The following PTPRE variants were observed in gnomAD, a reference collection of about 807,000 sequenced individuals.
The protein encoded by PTPRE is protein tyrosine phosphatase receptor type E.
PTPRE carries 51 observed loss-of-function variants against 102.0 expected under a neutral mutation model. The ratio of observed to expected loss-of-function variants is 0.50; its 90% CI spans 0.40 to 0.63. The LOEUF is 0.63. Ranked by LOEUF, PTPRE falls within the 30% of genes least tolerant of loss-of-function variation. PTPRE has a pLI of 0.00. For missense variants in PTPRE, 752 were observed against 915.1 expected (o/e 0.82, Z 2.30); for synonymous variants, 345 against 348.2 (o/e 0.99, Z 0.10).
At position 128,066,103 on chromosome 10, in the gene PTPRE, A is replaced by G. The variant is rs1306690528; in HGVS notation, c.752A>G (p.Gln251Arg). Residue 251 changes from glutamine to arginine, a missense_variant, in exon 11 of 21, where the codon CAA (glutamine) becomes CGA (arginine). Gln to Arg is a conservative substitution (Grantham distance 43, BLOSUM62 1). This residue lies in a region of PTPRE where 636 missense variants were observed against 824.4 expected (regional missense o/e 0.77). Coordinates refer to ENST00000254667, the MANE Select transcript of PTPRE (RefSeq NM_006504.6). The part of the protein sequence containing the change: ...EEKCHQYWPD[Q>R]GCWTYGNIRV... The stretch of plus-strand genomic sequence containing the variant: ...AAGTGCCATCAGTACTGGCCCGACC[A>G]AGGCTGCTGGACCTATGGAAACATC... 2 of 1,614,102 alleles carry G rather than the reference A, an allele frequency of 1.2e-6. No individual in the cohort carries two copies.
At chr10:127,958,068 T>C (rs1173152966) in intron 1 of PTPRE, among the ~76,000 whole-genome samples, 1 of 152,232 alleles carries the variant, frequency 6.6e-6, no homozygotes, top group African/African-American at 2.4e-5. Flanking sequence ...AGTTACCTAT[T>C]AGTTCCAGGA....
intron 2 of PTPRE, chr10:127,998,248 T>G (rs1290020684): frequency 2.0e-5 from 3 of 152,152 alleles, no homozygotes; most frequent in Non-Finnish European, 4.4e-5. Flanking sequence ...AGAAAATAAA[T>G]GGATTTGCAG....
chr10:128,062,433 T>A (rs1849688237), intron 9 of PTPRE, among the ~76,000 whole-genome samples: 1 of 152,238 alleles, frequency 6.6e-6, no homozygotes. Context: ...CTGAAGCAGA[T>A]GAAAGCATGT....
intron 1 of PTPRE, among the ~76,000 whole-genome samples, chr10:127,972,658 A>G: frequency 6.6e-6 from 1 of 152,156 alleles, no homozygotes; most frequent in South Asian, 2.1e-4. Flanking sequence ...AGTATCGGTG[A>G]CCTCATGTGT....
chr10:128,023,413 C>T (rs964247230), intron 2 of PTPRE, among the ~76,000 whole-genome samples: 25 of 151,594 alleles, frequency 1.6e-4, no homozygotes, highest in Non-Finnish European at 2.8e-4. Context: ...GTATAGAAAA[C>T]GGCATAGTAA....
rs146812208 is a variant in PTPRE, at chr10:127,928,910, A to G, written c.-31+21601A>G. On this transcript the variant is annotated intron_variant, in intron 1 of 20. Transcript: ENST00000254667. The stretch of plus-strand genomic sequence containing the variant: ...TCAGTTGCCTTTCACACAGGAAAAC[A>G]AAGATTAGCTGTGTAGCTACGGAAA... Among the ~76,000 whole-genome samples, 3 of 152,356 alleles carry G rather than the reference A, an allele frequency of 2.0e-5. 1 individual carries two copies. The East Asian group carries it at 5.8e-4, about 29-fold the overall frequency.
At chr10:127,932,367 C>T (rs1847507883) in intron 1 of PTPRE, among the ~76,000 whole-genome samples, 2 of 152,140 alleles carry the variant, frequency 1.3e-5, no homozygotes, top group African/African-American at 4.8e-5. Flanking sequence ...TATATGCAAA[C>T]TTACGTTAAG....
Position 128,040,942 on chromosome 10 carries a change from A to G in PTPRE, c.61A>G (p.Arg21Gly), listed in dbSNP as rs1455950715. 4 of 1,613,840 alleles carry G rather than the reference A, an allele frequency of 2.5e-6. No individual in the cohort carries two copies. The highest frequency in any genetic ancestry group is 2.7e-5 in the African/African-American group (2 of 74,832). Residue 21 changes from arginine to glycine, a missense_variant, in exon 3 of 21, where the codon AGG (arginine) becomes GGG (glycine). Transcript: ENST00000254667. ...GFSLPLARAL[R>G]GNETTADSNE... ...TAGCTTGCCGCTCGCCAGGGCTCTC[A>G]GGGGCAACGAGACCACTGCCGACAG...
chr10:128,034,523 A>G (rs535485366), intron 2 of PTPRE, among the ~76,000 whole-genome samples: 1 of 150,576 alleles, frequency 6.6e-6, no homozygotes, highest in Non-Finnish European at 1.5e-5. Context: ...GACCCCCCCC[A>G]TCTTTACGAA....
intron 2 of PTPRE, among the ~76,000 whole-genome samples, chr10:127,983,901 C>G (rs1356942493): frequency 6.6e-6 from 1 of 152,060 alleles, no homozygotes; most frequent in East Asian, 1.9e-4. Context: ...GGCCTTGTCT[C>G]AAAACCGGCA....
At chr10:128,010,090 A>T (rs2135600768) in intron 2 of PTPRE, among the ~76,000 whole-genome samples, 1 of 152,178 alleles carries the variant, frequency 6.6e-6, no homozygotes, top group African/African-American at 2.4e-5. Flanking sequence ...TTCATCCCTC[A>T]AGTCCTTCTG....
chr10:128,068,459 T>TATTC, intron 12 of PTPRE, 173 bp downstream of exon 12: 1 of 626,034 alleles, frequency 1.6e-6, no homozygotes, highest in Non-Finnish European at 2.5e-6. Context: ...TACAGGAGAA[T>TATTC]GTTCAGAGAG....
At chr10:128,055,177 G>A (rs1172468976) in intron 6 of PTPRE, among the ~76,000 whole-genome samples, 1 of 152,162 alleles carries the variant, frequency 6.6e-6, no homozygotes, top group Admixed American at 6.5e-5. Flanking sequence ...GGGTCCAGCC[G>A]CTGGTCGGGT....
At chr10:128,056,912 C>T (rs551031625) in intron 7 of PTPRE, among the ~76,000 whole-genome samples, 84 of 152,004 alleles carry the variant, frequency 5.5e-4, no homozygotes, top group Non-Finnish European at 8.7e-4. Flanking sequence ...GGTTCTGAAC[C>T]GCCTTTGTAA....
At chr10:128,065,994 G>C in intron 10 of PTPRE, 81 bp from the exon 11 acceptor site, 1 of 1,594,444 alleles carries the variant, frequency 6.3e-7, no homozygotes, top group Non-Finnish European at 8.6e-7. Context: ...TGTGTGTGAG[G>C]CCTTCTGTAG....
At position 127,997,037 on chromosome 10, in the gene PTPRE, G is replaced by A. The variant is rs187708321; in HGVS notation, c.-8+14741G>A. ...AGCAAAAAACAAATAGAAAAAAAAA[G>A]AACACAGTGCAACAGTCAAAATCAG... On this transcript the variant is annotated intron_variant, in intron 2 of 20. Transcript: ENST00000254667. Among the ~76,000 whole-genome samples, 948 of 151,920 alleles carry A rather than the reference G, an allele frequency of 6.2e-3. 4 individuals are homozygous for A. The highest frequency in any genetic ancestry group is 9.0e-3 in the South Asian group (43 of 4,802).
In PTPRE at chr10:128,033,428, T is replaced by C. The variant is rs560068442; in HGVS notation, c.-7-7447T>C. On this transcript the variant is annotated intron_variant, in intron 2 of 20. Coordinates refer to ENST00000254667, the MANE Select transcript of PTPRE (RefSeq NM_006504.6). ...CAGTTTTATTTTATTTTTTTATTCATTTCATGGAATCCCAATACAACTTGG... is the reference window on the plus strand; with the variant it reads ...CAGTTTTATTTTATTTTTTTATTCACTTCATGGAATCCCAATACAACTTGG... Among the ~76,000 whole-genome samples, 33 of 152,194 alleles carry C rather than the reference T, an allele frequency of 2.2e-4. 1 individual carries two copies. Among genetic ancestry groups the C allele is most frequent in the Non-Finnish European group, 2.1e-4 (14 of 68,030 alleles).
At chr10:127,974,641 A>G (rs55700718) in intron 1 of PTPRE, among the ~76,000 whole-genome samples, 11,828 of 152,162 alleles carry the variant, frequency 0.078, 1,341 homozygotes, top group African/African-American at 0.25. Context: ...ATCCTAAGCA[A>G]TTGGCACAGA....
In PTPRE at chr10:128,052,503, T is replaced by C. The variant is rs543562364; in HGVS notation, c.420+2837T>C. ...AGGATACTCCCTGCCCCCCATAGGA[T>C]TGTGATAACATGGACATGAGGTTGG... On this transcript the variant is annotated intron_variant, in intron 6 of 20. Transcript: ENST00000254667. Among the ~76,000 whole-genome samples the C allele has an allele frequency of 5.9e-5, 9 of 152,212 alleles. No homozygotes were observed. The South Asian group carries it at 1.2e-3, about 21-fold the overall frequency.
Sources: gnomAD v4.1 joint callset for allele counts (sites outside exome capture counted in the v4.1 genomes callset) on GRCh38, gnomAD v4.1.1 for gene constraint, gnomAD v4.1.1 regional missense constraint, MANE v1.5 for transcripts, NCBI Gene and HGNC (gene_info 2026-07-23, HGNC 2026-07-21) for gene names.